The following GLI3 variants were observed in gnomAD, a reference collection of about 807,000 sequenced individuals.
The protein encoded by GLI3 is GLI family zinc finger 3.
Under a neutral mutation model 100.8 loss-of-function variants are expected in GLI3, and 20 were observed. That is an observed-to-expected ratio of 0.20 (90% CI 0.14 to 0.29). The LOEUF is 0.29. Ranked by LOEUF, GLI3 falls within the 10% of genes least tolerant of loss-of-function variation. The pLI, the probability that GLI3 is intolerant of heterozygous loss-of-function variation, is 1.00. For missense variants in GLI3, 2,040 were observed against 2,128.5 expected (o/e 0.96, Z 0.82); for synonymous variants, 938 against 860.5 (o/e 1.09, Z -1.58).
chr7:42,051,515 T>G (rs532413287), intron 4 of GLI3, among the ~76,000 whole-genome samples: 1 of 152,302 alleles, frequency 6.6e-6, no homozygotes, highest in East Asian at 1.9e-4. Flanking sequence ...GCTAACATAT[T>G]CCACCCATAA....
In GLI3 at chr7:42,019,668, T is replaced by C. The variant is rs576505696; in HGVS notation, c.1497+3800A>G. ...ATAATGCTCAACAAAAAAAAAGGTCTGGTTAATTTAAAATTGAAGAAAAAT... is the reference window on the plus strand; with the variant it reads ...ATAATGCTCAACAAAAAAAAAGGTCCGGTTAATTTAAAATTGAAGAAAAAT... On this transcript the variant is annotated intron_variant, in intron 10 of 14. Transcript: ENST00000395925. 2.0e-5 allele frequency among the ~76,000 whole-genome samples: 3 copies of C among 152,306 alleles called. No homozygotes were observed. In the East Asian group the frequency reaches 5.8e-4, roughly 29 times the overall value.
intron 2 of GLI3, among the ~76,000 whole-genome samples, chr7:42,171,042 C>A (rs1787362721): frequency 6.6e-6 from 1 of 152,132 alleles, no homozygotes; most frequent in Admixed American, 6.5e-5. Flanking sequence ...CTCCATTCCC[C>A]ACTCACCTCA....
At chr7:41,973,928 T>C (rs1363434880) in intron 12 of GLI3, among the ~76,000 whole-genome samples, 1 of 152,194 alleles carries the variant, frequency 6.6e-6, no homozygotes, top group East Asian at 1.9e-4. Flanking sequence ...TATATATATA[T>C]AATAAGATGA....
intron 2 of GLI3, among the ~76,000 whole-genome samples, chr7:42,201,954 C>T (rs1429772202): frequency 1.3e-5 from 2 of 151,572 alleles, no homozygotes; most frequent in Non-Finnish European, 2.9e-5. Flanking sequence ...TGGTGGCGTG[C>T]GCCTGTAGTC....
At chr7:42,033,452 C>T (rs1181941091) in intron 7 of GLI3, among the ~76,000 whole-genome samples, 3 of 152,084 alleles carry the variant, frequency 2.0e-5, no homozygotes, top group East Asian at 1.9e-4. Context: ...TACTACAGGC[C>T]GAAGAAGAAT....
chr7:42,153,308 T>A (rs1425127121), intron 2 of GLI3, among the ~76,000 whole-genome samples: 1 of 152,210 alleles, frequency 6.6e-6, no homozygotes, highest in African/African-American at 2.4e-5. Flanking sequence ...CTTCTTGCAA[T>A]AATAGTGCAT....
chr7:42,024,767 G>A (rs980881601), intron 9 of GLI3, among the ~76,000 whole-genome samples: 13 of 152,164 alleles, frequency 8.5e-5, no homozygotes, highest in African/African-American at 3.1e-4. Context: ...CTAGCCTTAG[G>A]TTAGTTATGT....
intron 3 of GLI3, among the ~76,000 whole-genome samples, chr7:42,147,358 A>G (rs1267186829): frequency 6.6e-6 from 1 of 152,234 alleles, no homozygotes; most frequent in East Asian, 1.9e-4. Flanking sequence ...AAGGGGAAAC[A>G]CAAACCAGTC....
intron 3 of GLI3, among the ~76,000 whole-genome samples, chr7:42,123,773 A>G (rs1432953662): frequency 6.9e-6 from 1 of 145,150 alleles, no homozygotes; most frequent in East Asian, 1.9e-4. Flanking sequence ...GTAAGTGCTT[A>G]CCAACTGGGA....
At chr7:42,018,435 A>C (rs1788831866) in intron 10 of GLI3, among the ~76,000 whole-genome samples, 1 of 152,226 alleles carries the variant, frequency 6.6e-6, no homozygotes, top group African/African-American at 2.4e-5. Flanking sequence ...GTAAGGATAG[A>C]CAATGCAACT....
intron 1 of GLI3, among the ~76,000 whole-genome samples, chr7:42,258,425 T>C (rs1251173170): frequency 1.3e-5 from 2 of 152,202 alleles, no homozygotes; most frequent in Non-Finnish European, 2.9e-5. Flanking sequence ...GGCTCTTCAT[T>C]TCATACTCTG....
intron 13 of GLI3, among the ~76,000 whole-genome samples, chr7:41,970,676 TG>T (rs1562663086): frequency 6.6e-6 from 1 of 152,130 alleles, no homozygotes; most frequent in Non-Finnish European, 1.5e-5. Context: ...AAACAATGGG[TG>T]TTTGAAGAGA....
chr7:42,066,512 C>T (rs6965985), intron 4 of GLI3, among the ~76,000 whole-genome samples: 1,752 of 152,216 alleles, frequency 0.012, 22 homozygotes, highest in African/African-American at 0.037. Context: ...ATCTCTGGAT[C>T]GCACTTCAGA....
At chr7:42,124,185 C>T (rs1211884519) in intron 3 of GLI3, among the ~76,000 whole-genome samples, 1 of 152,200 alleles carries the variant, frequency 6.6e-6, no homozygotes, top group Non-Finnish European at 1.5e-5. Flanking sequence ...AAACACACCA[C>T]AAAACAATCC....
chr7:42,187,358 T>C (rs1048031392), intron 2 of GLI3, among the ~76,000 whole-genome samples: 1 of 152,178 alleles, frequency 6.6e-6, no homozygotes, highest in African/African-American at 2.4e-5. Flanking sequence ...TGTTTAATAT[T>C]TGTATTAACA....
intron 2 of GLI3, among the ~76,000 whole-genome samples, chr7:42,193,514 G>A (rs974836657): frequency 2.6e-5 from 4 of 152,132 alleles, no homozygotes; most frequent in Admixed American, 2.6e-4. Context: ...CAAAAGGTGA[G>A]AGAAAATTAA....
intron 2 of GLI3, among the ~76,000 whole-genome samples, chr7:42,172,054 G>C (rs541874541): frequency 5.3e-4 from 81 of 151,996 alleles, no homozygotes; most frequent in Non-Finnish European, 1.0e-3. Flanking sequence ...GTTTTGAACA[G>C]AAAAGTATAT....
At chr7:42,049,867 T>C (rs540287238) in intron 4 of GLI3, among the ~76,000 whole-genome samples, 2 of 152,252 alleles carry the variant, frequency 1.3e-5, no homozygotes, top group African/African-American at 4.8e-5. Context: ...GAGGCCCTGA[T>C]AGAGAGAGAT....
intron 1 of GLI3, among the ~76,000 whole-genome samples, chr7:42,261,733 T>C (rs181366201): frequency 5.3e-5 from 8 of 152,356 alleles, no homozygotes; most frequent in Non-Finnish European, 8.8e-5. Flanking sequence ...TGCCTGATTA[T>C]AGGTGCCCTG....
Sources: allele counts gnomAD v4.1 joint callset (sites outside exome capture counted in the v4.1 genomes callset), GRCh38; gene constraint gnomAD v4.1.1; transcripts MANE v1.5; gene names NCBI Gene and HGNC (gene_info 2026-07-23, HGNC 2026-07-21).